FKBP5: variants seen among roughly 807,000 people sequenced by gnomAD.
FKBP5 encodes the protein FKBP prolyl isomerase 5.
Under a neutral mutation model 50.5 loss-of-function variants are expected in FKBP5, and 23 were observed. The ratio of observed to expected loss-of-function variants is 0.46; its 90% CI spans 0.33 to 0.65. The LOEUF (loss-of-function observed/expected upper bound fraction) is 0.65, where lower values mean the gene tolerates loss of function less well. Among genes scored for constraint, FKBP5 ranks in the 30% least tolerant of loss-of-function variants. FKBP5 has a pLI of 0.02. For synonymous variants in FKBP5, 176 were observed against 190.6 expected (o/e 0.92, Z 0.63); for missense variants, 411 against 553.1 (o/e 0.74, Z 2.58).
At chr6:35,590,034 AC>A (rs1762764520) in intron 7 of FKBP5, among the ~76,000 whole-genome samples, 1 of 152,202 alleles carries the variant, frequency 6.6e-6, no homozygotes, top group East Asian at 1.9e-4. Context: ...ACAGTGGCTC[AC>A]CCCTACAATC....
intron 2 of FKBP5, among the ~76,000 whole-genome samples, chr6:35,704,542 C>T (rs1355318982): frequency 6.6e-6 from 1 of 152,136 alleles, no homozygotes; most frequent in East Asian, 1.9e-4. Flanking sequence ...TGCTTTGAGA[C>T]ACCAAGATCA....
chr6:35,666,715 C>G (rs1765239118), intron 1 of FKBP5, among the ~76,000 whole-genome samples: 1 of 152,028 alleles, frequency 6.6e-6, no homozygotes, highest in East Asian at 1.9e-4. Context: ...ACAGTGAAAC[C>G]CCGTCTCTAC....
At chr6:35,725,488 G>C (rs1766689188) in intron 1 of FKBP5, among the ~76,000 whole-genome samples, 1 of 152,178 alleles carries the variant, frequency 6.6e-6, no homozygotes, top group Non-Finnish European at 1.5e-5. Context: ...GCAGTTTCAA[G>C]GCTGGGTGAT....
At chr6:35,664,989 G>A (rs1052301851) in intron 1 of FKBP5, among the ~76,000 whole-genome samples, 3 of 151,994 alleles carry the variant, frequency 2.0e-5, no homozygotes, top group Non-Finnish European at 2.9e-5. Context: ...CAATAGGACC[G>A]CCAACTATTC....
At chr6:35,622,926 A>G (rs918164132) in intron 3 of FKBP5, among the ~76,000 whole-genome samples, 8 of 152,212 alleles carry the variant, frequency 5.3e-5, no homozygotes, top group African/African-American at 1.9e-4. Context: ...AGTACTTGCC[A>G]TATATTAATA....
chr6:35,725,738 C>T (rs1051713567), intron 1 of FKBP5, among the ~76,000 whole-genome samples: 5 of 152,122 alleles, frequency 3.3e-5, no homozygotes, highest in African/African-American at 1.2e-4. Context: ...AAATATAAAG[C>T]GGCCAGTGTA....
intron 5 of FKBP5, among the ~76,000 whole-genome samples, chr6:35,600,616 T>C (rs148408826): frequency 2.4e-3 from 360 of 152,278 alleles, no homozygotes; most frequent in African/African-American, 7.8e-3. Flanking sequence ...TAGAGATTTA[T>C]TGTCCTAGTA....
intron 5 of FKBP5, among the ~76,000 whole-genome samples, chr6:35,598,227 T>A (rs1041166925): frequency 3.3e-5 from 5 of 152,136 alleles, no homozygotes; most frequent in African/African-American, 1.2e-4. Context: ...TCTTGATGAG[T>A]TAGACTTTTT....
chr6:35,582,551 G>A, intron 8 of FKBP5: 6 of 616,444 alleles, frequency 9.7e-6, no homozygotes, highest in Non-Finnish European at 1.2e-5. Flanking sequence ...AGGAACCAGA[G>A]GAGAGGCCCT....
At chr6:35,691,228 T>C (rs1186705509), upstream of FKBP5, among the ~76,000 whole-genome samples, 4 of 152,008 alleles carry the variant, frequency 2.6e-5, no homozygotes, top group African/African-American at 9.7e-5. Flanking sequence ...AATCAGCTCT[T>C]CCTACGAGAG....
intron 1 of FKBP5, among the ~76,000 whole-genome samples, chr6:35,646,834 T>G (rs1366482944): frequency 1.3e-5 from 2 of 152,208 alleles, no homozygotes; most frequent in East Asian, 1.9e-4. Context: ...CTCTCCAAAG[T>G]GCTAGTCAGC....
intron 2 of FKBP5, among the ~76,000 whole-genome samples, chr6:35,707,785 G>A (rs778145834): frequency 2.5e-4 from 38 of 151,954 alleles, no homozygotes; most frequent in African/African-American, 8.2e-4. Flanking sequence ...TAGCTCCTAC[G>A]TACATGTGAG....
chr6:35,651,022 T>C (rs1764783806), intron 1 of FKBP5, among the ~76,000 whole-genome samples: 3 of 152,154 alleles, frequency 2.0e-5, no homozygotes, highest in Admixed American at 2.0e-4. Flanking sequence ...CTTCTAATAC[T>C]CACATGAAAA....
chr6:35,581,245 A>G, intron 8 of FKBP5: 1 of 660,658 alleles, frequency 1.5e-6, no homozygotes, highest in Non-Finnish European at 1.9e-6. Context: ...TGTCAGTTAT[A>G]TATAATATAT....
At chr6:35,700,801 T>C (rs1766167407) in intron 2 of FKBP5, among the ~76,000 whole-genome samples, 1 of 151,890 alleles carries the variant, frequency 6.6e-6, no homozygotes, top group Non-Finnish European at 1.5e-5. Context: ...CTACTAAAAA[T>C]ACAACAAATT....
intron 8 of FKBP5, chr6:35,586,092 C>G (rs2150956016): frequency 4.1e-6 from 4 of 985,132 alleles, no homozygotes; most frequent in South Asian, 9.4e-5. Flanking sequence ...GAAACCTTGA[C>G]AGAACTCCCA....
At chr6:35,689,562 G>A (rs1283472333), upstream of FKBP5, among the ~76,000 whole-genome samples, 1 of 152,082 alleles carries the variant, frequency 6.6e-6, no homozygotes, top group African/African-American at 2.4e-5. Flanking sequence ...GCTGAGTTCG[G>A]CCAGGTGGGG....
intron 1 of FKBP5, among the ~76,000 whole-genome samples, chr6:35,722,268 G>A (rs1317396874): frequency 1.3e-5 from 2 of 151,924 alleles, no homozygotes; most frequent in Non-Finnish European, 2.9e-5. Flanking sequence ...ACCCATTCAC[G>A]GTGCTCAGAG....
intron 9 of FKBP5, 91 bp from the exon 10 acceptor site, chr6:35,577,324 A>T (rs1762252580): frequency 8.2e-7 from 1 of 1,214,616 alleles, no homozygotes; most frequent in African/African-American, 1.5e-5. Flanking sequence ...AGGAGATGGA[A>T]AAAGTGTATT....
Sources: gnomAD v4.1 joint callset for allele counts (sites outside exome capture counted in the v4.1 genomes callset) on GRCh38, gnomAD v4.1.1 for gene constraint, MANE v1.5 for transcripts, NCBI Gene and HGNC (gene_info 2026-07-23, HGNC 2026-07-21) for gene names.